Variants in SLC35F3 observed in about 807,000 individuals in gnomAD.
The protein encoded by SLC35F3 is solute carrier family 35 member F3, also known as putative thiamine transporter SLC35F3.
A neutral mutation model predicts 49.9 loss-of-function variants in SLC35F3; 25 were observed. The ratio of observed to expected loss-of-function variants is 0.50; its 90% CI spans 0.37 to 0.70. The LOEUF is 0.70. Among genes scored for constraint, SLC35F3 ranks in the 30% least tolerant of loss-of-function variants. The probability of loss-of-function intolerance (pLI) is 0.00; values close to 1 mark genes in which losing one functional copy is unlikely to be tolerated. For missense variants in SLC35F3, 525 were observed against 639.8 expected, an observed-to-expected ratio of 0.82 and a Z score of 1.94; for synonymous variants, 275 against 265.4, an observed-to-expected ratio of 1.04 and a Z score of -0.35.
intron 3 of SLC35F3, among the ~76,000 whole-genome samples, chr1:234,264,954 C>T (rs556841814): frequency 6.6e-6 from 1 of 152,328 alleles, no homozygotes; most frequent in South Asian, 2.1e-4. Context: ...TGTTCCTTCT[C>T]AGGCTGCTTT....
intron 2 of SLC35F3, among the ~76,000 whole-genome samples, chr1:233,986,257 A>T (rs1446560497): frequency 6.6e-6 from 1 of 151,964 alleles, no homozygotes; most frequent in Non-Finnish European, 1.5e-5. Context: ...TTCTTTTAAA[A>T]TTTTCAAATA....
intron 3 of SLC35F3, among the ~76,000 whole-genome samples, chr1:234,236,914 TA>T (rs10618028): frequency 0.47 from 50,467 of 107,622 alleles, 11,998 homozygotes; most frequent in African/African-American, 0.51. Flanking sequence ...AGTCTCCTAT[TA>T]AAAAAAAAAT....
intron 2 of SLC35F3, among the ~76,000 whole-genome samples, chr1:233,984,173 C>T (rs1441214005): frequency 6.6e-6 from 1 of 152,176 alleles, no homozygotes; most frequent in East Asian, 1.9e-4. Context: ...CTACTCGGCT[C>T]TTCTCTTTTG....
intron 2 of SLC35F3, among the ~76,000 whole-genome samples, chr1:234,139,658 A>G (rs1665861640): frequency 6.6e-6 from 1 of 152,130 alleles, no homozygotes; most frequent in Non-Finnish European, 1.5e-5. Context: ...TTGTAAAATA[A>G]GGGTGACTTG....
chr1:234,189,694 A>C (rs1666703655), intron 2 of SLC35F3, among the ~76,000 whole-genome samples: 1 of 152,200 alleles, frequency 6.6e-6, no homozygotes, highest in Admixed American at 6.5e-5. Flanking sequence ...AGAGCTAGAC[A>C]TCCAAATACA....
At chr1:233,942,655 C>T (rs1662448086) in intron 2 of SLC35F3, among the ~76,000 whole-genome samples, 1 of 152,196 alleles carries the variant, frequency 6.6e-6, no homozygotes, top group Non-Finnish European at 1.5e-5. Flanking sequence ...CTCAAGCAAT[C>T]TGCCCGCCTT....
At chr1:234,234,281 C>T (rs1667428943) in intron 3 of SLC35F3, among the ~76,000 whole-genome samples, 2 of 152,184 alleles carry the variant, frequency 1.3e-5, no homozygotes, top group African/African-American at 2.4e-5. Context: ...ACAGATACAG[C>T]AGCTTTTCTT....
chr1:234,202,179 T>C (rs1666909798), intron 2 of SLC35F3, among the ~76,000 whole-genome samples: 1 of 152,228 alleles, frequency 6.6e-6, no homozygotes, highest in Admixed American at 6.5e-5. Flanking sequence ...CATGTTTCAC[T>C]TATAAGTCGG....
At chr1:234,190,663 C>G (rs1032723284) in intron 2 of SLC35F3, among the ~76,000 whole-genome samples, 1 of 152,184 alleles carries the variant, frequency 6.6e-6, no homozygotes, top group East Asian at 1.9e-4. Flanking sequence ...ATCATCAAGA[C>G]AGAAAGTCAA....
chr1:233,949,128 A>G (rs1392832680), intron 2 of SLC35F3, among the ~76,000 whole-genome samples: 1 of 152,060 alleles, frequency 6.6e-6, no homozygotes, highest in East Asian at 1.9e-4. Flanking sequence ...AAGCCCATGG[A>G]TCACTGGGCT....
At chr1:234,253,412 G>T (rs761298471) in intron 3 of SLC35F3, among the ~76,000 whole-genome samples, 2 of 150,422 alleles carry the variant, frequency 1.3e-5, no homozygotes, top group African/African-American at 2.4e-5. Context: ...AATAAGGAAA[G>T]ATCTCTAAGA....
At chr1:234,056,474 C>T (rs1277009160) in intron 2 of SLC35F3, among the ~76,000 whole-genome samples, 2 of 152,116 alleles carry the variant, frequency 1.3e-5, no homozygotes, top group African/African-American at 4.8e-5. Flanking sequence ...CATTTTAGAA[C>T]ACTTTAATGA....
intron 2 of SLC35F3, among the ~76,000 whole-genome samples, chr1:234,160,511 G>A (rs965619934): frequency 2.0e-5 from 3 of 152,132 alleles, no homozygotes; most frequent in African/African-American, 7.2e-5. Flanking sequence ...CCTTTGAGTT[G>A]GGTTAAATAT....
intron 2 of SLC35F3, among the ~76,000 whole-genome samples, chr1:234,126,941 C>T (rs536492608): frequency 2.6e-5 from 4 of 152,344 alleles, no homozygotes; most frequent in Admixed American, 2.0e-4. Context: ...AAGCAATCCT[C>T]CTACCTCTGC....
chr1:233,956,488 G>A (rs530044559), intron 2 of SLC35F3, among the ~76,000 whole-genome samples: 15 of 152,310 alleles, frequency 9.8e-5, no homozygotes, highest in African/African-American at 3.1e-4. Context: ...GAAAGGCAAT[G>A]TTTATGCTGA....
chr1:234,028,880 T>G (rs1188462256), intron 2 of SLC35F3, among the ~76,000 whole-genome samples: 1 of 152,040 alleles, frequency 6.6e-6, no homozygotes, highest in Non-Finnish European at 1.5e-5. Context: ...TGGTGATGGT[T>G]TGGACAAGCT....
At chr1:234,275,602 G>C (rs147473438) in intron 3 of SLC35F3, among the ~76,000 whole-genome samples, 28 of 145,002 alleles carry the variant, frequency 1.9e-4, no homozygotes, top group East Asian at 6.7e-4. Flanking sequence ...CAGACAGACA[G>C]ACACACACAC....
chr1:234,313,093 T>G (rs1203982781), intron 4 of SLC35F3, among the ~76,000 whole-genome samples: 2 of 152,064 alleles, frequency 1.3e-5, no homozygotes, highest in Non-Finnish European at 2.9e-5. Flanking sequence ...CCCAGGCTGG[T>G]CTTGAACTTG....
chr1:234,307,235 T>G (rs1381985515), intron 3 of SLC35F3, among the ~76,000 whole-genome samples: 2 of 152,190 alleles, frequency 1.3e-5, no homozygotes. Context: ...AAAGCCAAAA[T>G]GGAATCAATT....
Sources: gnomAD v4.1 joint callset for allele counts (sites outside exome capture counted in the v4.1 genomes callset) on GRCh38, gnomAD v4.1.1 for gene constraint, MANE v1.5 for transcripts, NCBI Gene and HGNC (gene_info 2026-07-23, HGNC 2026-07-21) for gene names.